Variants in PCDHGA12 observed in about 807,000 individuals in gnomAD.
PCDHGA12 encodes the protein protocadherin gamma-A12.
PCDHGA12 carries 43 observed loss-of-function variants against 61.1 expected under a neutral mutation model. The ratio of observed to expected loss-of-function variants is 0.70; its 90% CI spans 0.55 to 0.91. PCDHGA12 has a LOEUF of 0.91. PCDHGA12 is among the 40% of genes least tolerant of loss of function. The pLI, the probability that PCDHGA12 is intolerant of heterozygous loss-of-function variation, is 0.00. For missense variants in PCDHGA12, 1,236 were observed against 1,227.7 expected (o/e 1.01, Z -0.10); for synonymous variants, 520 against 542.9 (o/e 0.96, Z 0.59).
In PCDHGA12 at chr5:141,447,157, T is replaced by A. The variant is rs569196292; in HGVS notation, c.2424+13974T>A. On this transcript the variant is annotated intron_variant, in intron 1 of 3. Transcript: ENST00000252085. The stretch of plus-strand genomic sequence containing the variant: ...TTTGTTTTTTGTTTTTGTTTTTGTT[T>A]AAGCGGGGTCTTGCTCTTGTCGCGC... Among the ~76,000 whole-genome samples the A allele has an allele frequency of 4.1e-4, 62 of 152,254 alleles. No homozygotes were observed. The South Asian group carries it at 0.013, about 31-fold the overall frequency.
chr5:141,505,557 A>C (rs2099846692), intron 3 of PCDHGA12, 76 bp downstream of exon 3: 1 of 1,606,080 alleles, frequency 6.2e-7, no homozygotes, highest in Non-Finnish European at 8.5e-7. Flanking sequence ...CACCATGCCC[A>C]CGGACTGGAT....
chr5:141,486,091 G>T lies in PCDHGA12; in HGVS notation c.2425-8716G>T. ...CTACTGGAAAGCTTACTCTTTTGGG[G>T]CCCCTAGACTTTGAGAGTGAGAATT... On this transcript the variant is annotated intron_variant, in intron 1 of 3. Coordinates refer to ENST00000252085, the MANE Select transcript of PCDHGA12 (RefSeq NM_003735.3). This position sits in a 1 kb window ranked among gnomAD's most constrained non-coding sequence, Gnocchi z 5.0. 1 of 1,614,158 alleles carries T rather than the reference G, an allele frequency of 6.2e-7. No homozygotes were observed. Among genetic ancestry groups the T allele is most frequent in the South Asian group, 1.1e-5 (1 of 91,078 alleles).
At chr5:141,464,816 G>A (rs11167751) in intron 1 of PCDHGA12, among the ~76,000 whole-genome samples, 42,470 of 151,904 alleles carry the variant, frequency 0.28, 6,668 homozygotes, top group African/African-American at 0.43. Context: ...ATAGCTCACT[G>A]TAGCCTCGCA....
chr5:141,463,097 C>A (rs1333118215), intron 1 of PCDHGA12, among the ~76,000 whole-genome samples: 2 of 152,152 alleles, frequency 1.3e-5, no homozygotes, highest in East Asian at 3.8e-4. Context: ...CCCTATGTGA[C>A]CATCAAGAAT....
chr5:141,498,976 G>A (rs1311505059), intron 2 of PCDHGA12, among the ~76,000 whole-genome samples: 1 of 13,010 alleles, frequency 7.7e-5, no homozygotes, highest in Non-Finnish European at 2.3e-4. Context: ...AGGGAGGGAA[G>A]GAAGGAAGGA....
chr5:141,465,313 T>C (rs113508011), intron 1 of PCDHGA12, among the ~76,000 whole-genome samples: 5 of 152,312 alleles, frequency 3.3e-5, no homozygotes, highest in Admixed American at 6.5e-5. Context: ...AATTTAGCCA[T>C]GTCAATGCAG....
chr5:141,476,666 G>T lies in PCDHGA12; in HGVS notation c.2425-18141G>T. 9 of 1,614,246 alleles carry T rather than the reference G, an allele frequency of 5.6e-6. No homozygotes were observed. Among genetic ancestry groups the T allele is most frequent in the Non-Finnish European group, 7.6e-6 (9 of 1,180,044 alleles). ...CCGAAATGAATACTTTGCGCTTCGC[G>T]TGCAGACGCGGGAGGACAGCACCAA... On this transcript the variant is annotated intron_variant, in intron 1 of 3. Transcript: ENST00000252085. This position sits in a 1 kb window ranked among gnomAD's most constrained non-coding sequence, Gnocchi z 7.6.
Position 141,432,390 on chromosome 5 carries a change from G to A in PCDHGA12, c.1631G>A (p.Ser544Asn). The A allele has an allele frequency of 6.2e-7, 1 of 1,614,256 alleles. No homozygotes were observed. The highest frequency in any genetic ancestry group is 8.5e-7 in the Non-Finnish European group (1 of 1,180,046). The change falls in exon 1 of 4, where the codon AGC becomes AAC. Residue 544 changes from serine (S) to asparagine (N), a missense_variant. By Grantham distance (46) the Ser-to-Asn change is conservative (BLOSUM62 1). Transcript: ENST00000252085. This position sits in a 1 kb window ranked among gnomAD's most constrained non-coding sequence, Gnocchi z 6.0. ...ARDNGHPPLS[S>N]NVSLSLFVLD... ...GACAACGGGCACCCGCCCCTCAGCA[G>A]CAACGTGTCGTTGAGCCTGTTCGTG... is the stretch of plus-strand genomic sequence containing the variant.
Position 141,510,979 on chromosome 5 carries a change from G to A in PCDHGA12, c.2605G>A (p.Gly869Ser). 6.2e-7 allele frequency: 1 copy of A among 1,614,156 alleles called. No homozygotes were observed. The highest frequency in any genetic ancestry group is 8.5e-7 in the Non-Finnish European group (1 of 1,180,018). Reference sequence around the variant, plus strand: ...TGATGGGAGCTCCACCCTGGGAGGGGGTGCCGGCACCATGGGATTGAGCGC... The same window carrying A: ...TGATGGGAGCTCCACCCTGGGAGGGAGTGCCGGCACCATGGGATTGAGCGC... ...AADGSSTLGG[G>S]AGTMGLSARY... The change falls in exon 4 of 4, where the codon GGT becomes AGT. Residue 869 changes from glycine (G) to serine (S), a missense_variant. Physicochemically the swap from Gly to Ser is moderately conservative, Grantham distance 56. Transcript: ENST00000252085.
At position 141,489,244 on chromosome 5, in the gene PCDHGA12, G is replaced by A. The variant is rs145484133; in HGVS notation, c.2425-5563G>A. ...TCCACAAAGGGACTTCTGGGTCATG[G>A]GGCCCAAGACACTCCCACAGCTCGC... On this transcript the variant is annotated intron_variant, in intron 1 of 3. Coordinates refer to ENST00000252085, the MANE Select transcript of PCDHGA12 (RefSeq NM_003735.3). This position sits in a 1 kb window ranked among gnomAD's most constrained non-coding sequence, Gnocchi z 4.5. 5 of 1,534,936 alleles carry A rather than the reference G, an allele frequency of 3.3e-6. No individual in the cohort carries two copies. In the African/African-American group the frequency reaches 5.5e-5, roughly 17 times the overall value.
Position 141,493,836 on chromosome 5 carries a change from A to G in PCDHGA12, c.2425-971A>G, listed in dbSNP as rs1411929024. Among the ~76,000 whole-genome samples the G allele has an allele frequency of 6.6e-6, 1 of 152,194 alleles. No individual in the cohort carries two copies. Among genetic ancestry groups the G allele is most frequent in the Non-Finnish European group, 1.5e-5 (1 of 68,038 alleles). On this transcript the variant is annotated intron_variant, in intron 1 of 3. Transcript: ENST00000252085. This position sits in a 1 kb window ranked among gnomAD's most constrained non-coding sequence, Gnocchi z 4.3. ...ACACTCTCTGCTTCTGGGAGCAAGT[A>G]TGAGTATTAATTACCAGCCCACCCC...
intron 1 of PCDHGA12, among the ~76,000 whole-genome samples, chr5:141,488,115 G>A (rs936010936): frequency 1.4e-4 from 21 of 152,298 alleles, no homozygotes; most frequent in Middle Eastern, 3.4e-3. Flanking sequence ...TTGAAACATA[G>A]AGACAGCAGA....
chr5:141,492,274 A>C (rs2099739010), intron 1 of PCDHGA12, among the ~76,000 whole-genome samples: 1 of 152,024 alleles, frequency 6.6e-6, no homozygotes, highest in Non-Finnish European at 1.5e-5. Flanking sequence ...CGGGCTCGCC[A>C]CGCCCCGCCA....
intron 1 of PCDHGA12, among the ~76,000 whole-genome samples, chr5:141,466,725 G>A (rs1184472416): frequency 2.6e-5 from 4 of 152,024 alleles, no homozygotes; most frequent in Non-Finnish European, 5.9e-5. Context: ...TTCCATTTTA[G>A]CAGAATTCAT....
intron 1 of PCDHGA12, among the ~76,000 whole-genome samples, chr5:141,444,000 A>T (rs2098413157): frequency 6.6e-6 from 1 of 152,070 alleles, no homozygotes; most frequent in African/African-American, 2.4e-5. Context: ...TTTAAATGCT[A>T]CCTGGGTATT....
rs2099612668 is a variant in PCDHGA12, at chr5:141,485,382, TGA to T, written c.2425-9424_2425-9423del. The T allele has an allele frequency of 6.2e-7, 1 of 1,613,538 alleles. No homozygotes were observed. The highest frequency in any genetic ancestry group is 8.5e-7 in the Non-Finnish European group (1 of 1,179,906). On this transcript the variant is annotated intron_variant, in intron 1 of 3. Coordinates refer to ENST00000252085, the MANE Select transcript of PCDHGA12 (RefSeq NM_003735.3). The surrounding 1 kb of genome is among the most constrained non-coding windows in gnomAD (Gnocchi z 5.7). ...CGCAGGCTGCAGGTCGCTGGAGAGG[TGA>T]ACCAAAGACACTTCCGTGTGGATTT...
intron 1 of PCDHGA12, among the ~76,000 whole-genome samples, chr5:141,439,139 G>T (rs2098090438): frequency 6.6e-6 from 1 of 150,672 alleles, no homozygotes; most frequent in South Asian, 2.1e-4. Flanking sequence ...GTTGCAGTGA[G>T]CTGAGATCAC....
intron 1 of PCDHGA12, among the ~76,000 whole-genome samples, chr5:141,472,516 G>T (rs545962540): frequency 2.0e-5 from 3 of 152,072 alleles, no homozygotes; most frequent in Non-Finnish European, 4.4e-5. Flanking sequence ...CTCCAGCCTG[G>T]GTGACAGAGT....
chr5:141,456,383 T>G (rs1372337704), intron 1 of PCDHGA12, among the ~76,000 whole-genome samples: 4 of 152,130 alleles, frequency 2.6e-5, no homozygotes, highest in Admixed American at 2.6e-4. Flanking sequence ...ACAGCACCGT[T>G]TGGAGTTTGA....
Sources: gnomAD v4.1 joint callset for allele counts (sites outside exome capture counted in the v4.1 genomes callset) on GRCh38, gnomAD v4.1.1 for gene constraint, Gnocchi (gnomAD v3.1) non-coding constraint, MANE v1.5 for transcripts, NCBI Gene and HGNC (gene_info 2026-07-23, HGNC 2026-07-21) for gene names.